The following MAPK9 variants were observed in gnomAD, a reference collection of about 807,000 sequenced individuals.
MAPK9 encodes Jun kinase.
Under a neutral mutation model 57.1 loss-of-function variants are expected in MAPK9, and 30 were observed. The ratio of observed to expected loss-of-function variants is 0.53; its 90% CI spans 0.39 to 0.71. The LOEUF is 0.71. MAPK9 is among the 30% of genes least tolerant of loss of function. MAPK9 has a pLI of 0.00. For missense variants in MAPK9, 362 were observed against 521.0 expected (o/e 0.69, Z 2.97); for synonymous variants, 155 against 177.0 (o/e 0.88, Z 0.99).
chr5:180,251,273 C>T (rs903388813), intron 5 of MAPK9, among the ~76,000 whole-genome samples: 2 of 152,104 alleles, frequency 1.3e-5, no homozygotes, highest in African/African-American at 2.4e-5. Flanking sequence ...GCCCAGCCCA[C>T]CCAGAACTAA....
chr5:180,285,113 A>G (rs997020043), intron 1 of MAPK9, among the ~76,000 whole-genome samples: 1 of 152,220 alleles, frequency 6.6e-6, no homozygotes, highest in African/African-American at 2.4e-5. Context: ...CAGGCAGATA[A>G]GGCTAGAGGC....
At chr5:180,290,103 C>G (rs1013735563) in intron 1 of MAPK9, among the ~76,000 whole-genome samples, 4 of 152,256 alleles carry the variant, frequency 2.6e-5, no homozygotes, top group Admixed American at 2.0e-4. Context: ...GTGATCCTCC[C>G]ACATCAGCCT....
chr5:180,267,455 G>A (rs540621276), intron 3 of MAPK9, among the ~76,000 whole-genome samples: 1,543 of 151,328 alleles, frequency 0.01, 13 homozygotes, highest in African/African-American at 0.02. Flanking sequence ...CCGGCTACTC[G>A]GGAGGCTGAG....
intron 5 of MAPK9, among the ~76,000 whole-genome samples, chr5:180,250,147 CTG>C (rs1189130424): frequency 6.6e-6 from 1 of 152,212 alleles, no homozygotes; most frequent in Non-Finnish European, 1.5e-5. Flanking sequence ...AGTGCTGACT[CTG>C]TGTGAGCTCT....
chr5:180,288,240 T>C (rs946380432), intron 1 of MAPK9, among the ~76,000 whole-genome samples: 1 of 152,140 alleles, frequency 6.6e-6, no homozygotes, highest in African/African-American at 2.4e-5. Flanking sequence ...ATCAATCAAA[T>C]ACCAACTATG....
intron 7 of MAPK9, among the ~76,000 whole-genome samples, chr5:180,245,175 T>C (rs1293722506): frequency 6.6e-6 from 1 of 152,168 alleles, no homozygotes; most frequent in East Asian, 1.9e-4. Context: ...GATCTCTCTA[T>C]CCCAGACCTT....
In MAPK9 at chr5:180,292,056, C is replaced by T. The variant is rs1268511170; in HGVS notation, c.-256G>A. 3 of 152,338 alleles carry T rather than the reference C, an allele frequency of 2.0e-5. No individual in the cohort carries two copies. The highest frequency in any genetic ancestry group is 7.3e-5 in the African/African-American group (3 of 41,230). The allele number at this position is 152,338 out of a possible 1,614,324, so 9.4% of individuals were successfully genotyped here. On this transcript the variant is annotated 5_prime_UTR_variant, in exon 1 of 12. Transcript: ENST00000452135. ...CCTTCCGGTCCCGCTCCCTTCTCCGCCGCTGCCGCCGCCGCGGCGCCCGGT... is the reference window on the plus strand; with the variant it reads ...CCTTCCGGTCCCGCTCCCTTCTCCGTCGCTGCCGCCGCCGCGGCGCCCGGT...
At chr5:180,257,921 C>T (rs991818255) in intron 5 of MAPK9, 1 of 172,812 alleles carries the variant, frequency 5.8e-6, no homozygotes, top group Non-Finnish European at 1.3e-5. Context: ...CACATCTTAT[C>T]TCATTCTGGA....
chr5:180,256,458 T>C (rs892689724), intron 5 of MAPK9, among the ~76,000 whole-genome samples: 1 of 152,008 alleles, frequency 6.6e-6, no homozygotes, highest in African/African-American at 2.4e-5. Flanking sequence ...ACCTGTGCAA[T>C]GTTTGGAACT....
chr5:180,240,022 T>G, intron 9 of MAPK9, 35 bp from the exon 10 acceptor site: 1 of 1,549,640 alleles, frequency 6.5e-7, no homozygotes, highest in East Asian at 2.2e-5. Context: ...TCAACAGTAA[T>G]GCCTCAAAAA....
intron 5 of MAPK9, among the ~76,000 whole-genome samples, chr5:180,258,644 A>G (rs921042292): frequency 1.3e-5 from 2 of 151,906 alleles, no homozygotes; most frequent in African/African-American, 2.4e-5. Flanking sequence ...GAGAAACCCA[A>G]TGAATGTCAA....
At chr5:180,264,494 A>G (rs566993113) in intron 4 of MAPK9, among the ~76,000 whole-genome samples, 39 of 152,244 alleles carry the variant, frequency 2.6e-4, no homozygotes, top group Non-Finnish European at 4.0e-4. Flanking sequence ...CAGGGATTTG[A>G]GAAAAACATT....
intron 5 of MAPK9, among the ~76,000 whole-genome samples, chr5:180,252,673 C>A (rs1462579578): frequency 1.3e-5 from 2 of 152,190 alleles, no homozygotes; most frequent in Non-Finnish European, 2.9e-5. Flanking sequence ...CGGCTACACA[C>A]TGAGGACTGG....
intron 5 of MAPK9, chr5:180,253,371 C>A (rs547706406): frequency 1.3e-5 from 2 of 152,682 alleles, no homozygotes; most frequent in Non-Finnish European, 2.9e-5. Context: ...GCTACAGGGA[C>A]AGGAAGCTGC....
intron 2 of MAPK9, among the ~76,000 whole-genome samples, chr5:180,269,679 T>C (rs1761069827): frequency 1.3e-5 from 2 of 152,308 alleles, no homozygotes; most frequent in South Asian, 4.1e-4. Flanking sequence ...TAGATTACAT[T>C]CAAAACCAGG....
At position 180,277,586 on chromosome 5, in the gene MAPK9, C is replaced by T. The variant is rs147713095; in HGVS notation, c.122+2854G>A. 6.2e-4 allele frequency among the ~76,000 whole-genome samples: 95 copies of T among 152,248 alleles called. 1 individual carries two copies. In the Middle Eastern group the frequency reaches 0.014, roughly 22 times the overall value. On this transcript the variant is annotated intron_variant, in intron 2 of 11. Transcript: ENST00000452135. Reference sequence around the variant, plus strand: ...TCCAGGGATTAGGACGTGGACATCTCAGGCGGGACCATTATTCTGCATGCT... The same window carrying T: ...TCCAGGGATTAGGACGTGGACATCTTAGGCGGGACCATTATTCTGCATGCT...
At chr5:180,273,890 G>A (rs989306477) in intron 2 of MAPK9, among the ~76,000 whole-genome samples, 2 of 152,138 alleles carry the variant, frequency 1.3e-5, no homozygotes, top group Middle Eastern at 3.2e-3. Flanking sequence ...TTCACATCTC[G>A]CAGAGGGAGT....
At chr5:180,238,505 T>C in intron 10 of MAPK9, 102 bp from the exon 11 acceptor site, 1 of 825,382 alleles carries the variant, frequency 1.2e-6, no homozygotes, top group Non-Finnish European at 2.0e-6. Flanking sequence ...GGCATTGCGA[T>C]TTGTTATTTT....
chr5:180,264,000 C>T (rs565394319), intron 4 of MAPK9, among the ~76,000 whole-genome samples: 55 of 152,292 alleles, frequency 3.6e-4, no homozygotes, highest in Non-Finnish European at 6.3e-4. Context: ...CCACCGCACC[C>T]GGCCAGACCA....
Sources: gnomAD v4.1 joint callset for allele counts (sites outside exome capture counted in the v4.1 genomes callset) on GRCh38, gnomAD v4.1.1 for gene constraint, MANE v1.5 for transcripts, NCBI Gene and HGNC (gene_info 2026-07-23, HGNC 2026-07-21) for gene names.